Variants in MACROD1 observed in about 807,000 individuals in gnomAD.
The protein encoded by MACROD1 is mono-ADP ribosylhydrolase 1.
Under a neutral mutation model 41.4 loss-of-function variants are expected in MACROD1, and 31 were observed. That is an observed-to-expected ratio of 0.75 (90% confidence interval 0.56 to 1.01). MACROD1 has a LOEUF of 1.01. MACROD1 is among the 50% of genes least tolerant of loss of function. MACROD1 has a pLI of 0.00. For missense variants in MACROD1, 473 were observed against 460.0 expected, an observed-to-expected ratio of 1.03 and a Z score of -0.26; for synonymous variants, 252 against 203.4, an observed-to-expected ratio of 1.24 and a Z score of -2.03.
intron 3 of MACROD1, among the ~76,000 whole-genome samples, chr11:64,101,248 G>A (rs777091399): frequency 1.3e-5 from 2 of 152,120 alleles, no homozygotes; most frequent in African/African-American, 2.4e-5. Context: ...TGGGAGACAC[G>A]GCTGGTGGGC....
At chr11:64,101,672 G>A (rs1462585374) in intron 3 of MACROD1, among the ~76,000 whole-genome samples, 1 of 152,164 alleles carries the variant, frequency 6.6e-6, no homozygotes, top group African/African-American at 2.4e-5. Context: ...ATAGCAATAA[G>A]GGCTCGTGCT....
Position 64,036,287 on chromosome 11 carries a change from C to G in MACROD1, c.518-21006G>C, listed in dbSNP as rs893730969. On this transcript the variant is annotated intron_variant, in intron 3 of 10. Transcript: ENST00000255681. This position sits in a 1 kb window ranked among gnomAD's most constrained non-coding sequence, Gnocchi z 5.6. ...ACGGGGTCAGGCAGCCTGGCTTTGC[C>G]CCAGAGCGGCGGGAGATGGGACGCC... is the stretch of plus-strand genomic sequence containing the variant. 4 of 152,252 alleles carry G rather than the reference C, an allele frequency of 2.6e-5. No homozygotes were observed. The highest frequency in any genetic ancestry group is 9.7e-5 in the African/African-American group (4 of 41,438). 9.4% of individuals were successfully genotyped at this position (152,252 alleles called of 1,614,324 possible).
chr11:64,083,910 C>T (rs977586291), intron 3 of MACROD1, among the ~76,000 whole-genome samples: 3 of 152,192 alleles, frequency 2.0e-5, no homozygotes, highest in Admixed American at 6.5e-5. Flanking sequence ...GGCGTGCGGC[C>T]GGCCCCGTGG....
chr11:64,165,509 G>A (rs1213885714), intron 1 of MACROD1, among the ~76,000 whole-genome samples, 188 bp downstream of exon 1: 1 of 152,126 alleles, frequency 6.6e-6, no homozygotes, highest in South Asian at 2.1e-4. Context: ...GTTCTGTGGG[G>A]CTGGGAACAC....
intron 3 of MACROD1, among the ~76,000 whole-genome samples, chr11:64,098,239 G>A (rs888183706): frequency 6.6e-6 from 1 of 152,182 alleles, no homozygotes; most frequent in Non-Finnish European, 1.5e-5. Context: ...AGGCCCCTCA[G>A]TGCAGCATTC....
At chr11:64,092,913 G>C (rs1342857624) in intron 3 of MACROD1, among the ~76,000 whole-genome samples, 1 of 152,248 alleles carries the variant, frequency 6.6e-6, no homozygotes, top group Non-Finnish European at 1.5e-5. Flanking sequence ...CTTTGCCGCA[G>C]GACTTCTCAG....
intron 3 of MACROD1, among the ~76,000 whole-genome samples, chr11:64,135,366 G>A (rs1157965873): frequency 6.6e-6 from 1 of 152,154 alleles, no homozygotes; most frequent in Non-Finnish European, 1.5e-5. Context: ...TCCCTAAAGA[G>A]CAACCCCGGC....
At chr11:64,128,437 G>A (rs919002460) in intron 3 of MACROD1, among the ~76,000 whole-genome samples, 1 of 152,188 alleles carries the variant, frequency 6.6e-6, no homozygotes, top group Non-Finnish European at 1.5e-5. Flanking sequence ...GGCTGAGTCA[G>A]GGCCTAGCCT....
intron 3 of MACROD1, among the ~76,000 whole-genome samples, chr11:64,023,379 A>AG (rs1056339647): frequency 3.9e-5 from 6 of 152,048 alleles, no homozygotes; most frequent in African/African-American, 1.2e-4. Flanking sequence ...CCTCATCTGT[A>AG]GGGGGGGTGA....
intron 3 of MACROD1, among the ~76,000 whole-genome samples, chr11:64,031,305 C>G (rs1280582952): frequency 6.6e-6 from 1 of 152,134 alleles, no homozygotes; most frequent in Non-Finnish European, 1.5e-5. Flanking sequence ...TGCTCTCTGG[C>G]TCTCCCTGAA....
At chr11:63,999,212 CAGGG>C in intron 8 of MACROD1, 115 bp downstream of exon 8, 1 of 1,402,816 alleles carries the variant, frequency 7.1e-7, no homozygotes, top group Non-Finnish European at 9.7e-7. Flanking sequence ...GCAGGAGAAA[CAGGG>C]AAGGAAGGGG....
At chr11:64,109,075 C>A (rs1470082922) in intron 3 of MACROD1, among the ~76,000 whole-genome samples, 1 of 152,146 alleles carries the variant, frequency 6.6e-6, no homozygotes, top group Non-Finnish European at 1.5e-5. Context: ...CCCCGCCTGG[C>A]CCTGCCTGAG....
chr11:64,084,745 C>T (rs924659270), intron 3 of MACROD1, among the ~76,000 whole-genome samples: 15 of 152,184 alleles, frequency 9.9e-5, no homozygotes, highest in African/African-American at 3.1e-4. Flanking sequence ...GGCCACACCT[C>T]GTGCCTTGGT....
chr11:64,135,701 C>T (rs1017337247), intron 3 of MACROD1, among the ~76,000 whole-genome samples: 8 of 152,204 alleles, frequency 5.3e-5, no homozygotes, highest in Non-Finnish European at 1.0e-4. Flanking sequence ...AGGGGAGCAG[C>T]GCAGGGCCAG....
intron 3 of MACROD1, among the ~76,000 whole-genome samples, chr11:64,147,395 CT>C (rs1278976301): frequency 2.3e-3 from 291 of 129,244 alleles, no homozygotes; most frequent in Middle Eastern, 5.6e-3. Context: ...TTCTTTCTTT[CT>C]TTTTTTTTTT....
chr11:64,110,739 C>T (rs551969665), intron 3 of MACROD1, among the ~76,000 whole-genome samples: 5 of 152,178 alleles, frequency 3.3e-5, no homozygotes, highest in East Asian at 1.9e-4. Context: ...GAGGGATCCA[C>T]GCAAGGGCGA....
chr11:64,088,750 C>T (rs894663774), intron 3 of MACROD1, among the ~76,000 whole-genome samples: 4 of 152,076 alleles, frequency 2.6e-5, no homozygotes, highest in African/African-American at 9.7e-5. Flanking sequence ...ACTAAGAGCA[C>T]GAGATGAACG....
chr11:64,022,589 C>T (rs768840944), intron 3 of MACROD1, among the ~76,000 whole-genome samples: 5 of 151,892 alleles, frequency 3.3e-5, no homozygotes, highest in Non-Finnish European at 5.9e-5. Flanking sequence ...AGATTAGAAA[C>T]ACCCCGCAGA....
At chr11:64,105,080 A>G (rs1056364177) in intron 3 of MACROD1, among the ~76,000 whole-genome samples, 1 of 152,244 alleles carries the variant, frequency 6.6e-6, no homozygotes, top group Non-Finnish European at 1.5e-5. Context: ...CATGCATGCC[A>G]TCTGCGGGGG....
Sources: gnomAD v4.1 joint callset for allele counts (sites outside exome capture counted in the v4.1 genomes callset) on GRCh38, gnomAD v4.1.1 for gene constraint, Gnocchi (gnomAD v3.1) non-coding constraint, MANE v1.5 for transcripts, NCBI Gene and HGNC (gene_info 2026-07-23, HGNC 2026-07-21) for gene names.